CD99L2: variants seen among roughly 807,000 people sequenced by gnomAD.
CD99L2 encodes the protein CD99 molecule like 2, also known as CD99 antigen-like protein 2.
A neutral mutation model predicts 27.3 loss-of-function variants in CD99L2; 24 were observed. The observed-to-expected ratio is 0.88, with a 90% CI of 0.64 to 1.24. The LOEUF is 1.24. CD99L2 is among the 50% of genes most tolerant of loss of function. The pLI is 0.00. For missense variants in CD99L2, 255 were observed against 221.6 expected (o/e 1.15, Z -0.96); for synonymous variants, 97 against 87.9 (o/e 1.10, Z -0.58).
chrX:150,799,147 T>G (rs2045862024), intron 4 of CD99L2, among the ~76,000 whole-genome samples: 1 of 111,520 alleles, frequency 9.0e-6, no homozygotes, highest in African/African-American at 3.3e-5. Context: ...TTACATCCAA[T>G]AAGGGATTAA....
rs551423748 is a variant in CD99L2 at position 150,824,025 on chromosome X, AGAG to A, written c.130+7203_130+7205del. ...AAGAAGAGGAGGAGGAGGAAGAGGAAGAGGAGGAGGAGGAGGAGGAAGAAGAAG... is the reference window on the plus strand; with the variant it reads ...AAGAAGAGGAGGAGGAGGAAGAGGAAGAGGAGGAGGAGGAGGAAGAAGAAG... On this transcript the variant is annotated intron_variant, in intron 2 of 10. Transcript: ENST00000370377. Among the ~76,000 whole-genome samples the A allele has an allele frequency of 5.9e-3, 571 of 96,555 alleles. 6 individuals carry two copies. The highest frequency in any genetic ancestry group is 0.018 in the Middle Eastern group (3 of 168). The allele number at this position is 96,555 out of a possible 115,157, so 83.8% of individuals were successfully genotyped here.
intron 2 of CD99L2, among the ~76,000 whole-genome samples, chrX:150,827,487 T>C (rs971575511): frequency 9.0e-6 from 1 of 111,462 alleles, no homozygotes; most frequent in Admixed American, 9.5e-5. Flanking sequence ...TCCCTGTCGA[T>C]TGGAGGTATG....
chrX:150,846,864 G>T (rs1462201645), intron 1 of CD99L2, among the ~76,000 whole-genome samples: 1 of 112,307 alleles, frequency 8.9e-6, no homozygotes, highest in Non-Finnish European at 1.9e-5. Context: ...AATGCACATG[G>T]TATTTCCTTC....
intron 1 of CD99L2, among the ~76,000 whole-genome samples, chrX:150,848,767 C>G (rs1285389123): frequency 9.0e-6 from 1 of 111,088 alleles, no homozygotes; most frequent in East Asian, 2.9e-4. Flanking sequence ...CCTCCTCCCC[C>G]TCAGAATTCA....
At chrX:150,781,751 C>A (rs1211678147) in intron 7 of CD99L2, among the ~76,000 whole-genome samples, 14 of 111,916 alleles carry the variant, frequency 1.3e-4, no homozygotes, top group African/African-American at 4.5e-4. Context: ...CAATAGTGAC[C>A]ACTGCCATAG....
intron 1 of CD99L2, among the ~76,000 whole-genome samples, chrX:150,848,465 T>C (rs782389584): frequency 9.3e-6 from 1 of 107,554 alleles, no homozygotes; most frequent in South Asian, 4.1e-4. Flanking sequence ...AGATTGGTTG[T>C]ACAACAATGT....
intron 4 of CD99L2, 65 bp downstream of exon 4, chrX:150,814,797 T>C: frequency 9.9e-7 from 1 of 1,012,793 alleles, no homozygotes; most frequent in Non-Finnish European, 1.4e-6. Flanking sequence ...TCTGGCTCTG[T>C]GGGATGTTGA....
At chrX:150,866,182 G>C (rs973881981) in intron 1 of CD99L2, among the ~76,000 whole-genome samples, 1 of 111,258 alleles carries the variant, frequency 9.0e-6, no homozygotes, top group Non-Finnish European at 1.9e-5. Flanking sequence ...AGCCTGCAGA[G>C]AACCCAAAGA....
intron 7 of CD99L2, among the ~76,000 whole-genome samples, chrX:150,781,731 G>A (rs782448719): frequency 2.6e-4 from 29 of 111,785 alleles, no homozygotes; most frequent in Non-Finnish European, 4.0e-4. Context: ...AATAGGGACC[G>A]TCACTGTAGC....
At chrX:150,787,888 GTATATATATATATA>G (rs527795783) in intron 7 of CD99L2, among the ~76,000 whole-genome samples, 13 of 63,855 alleles carry the variant, frequency 2.0e-4, no homozygotes, top group African/African-American at 3.5e-4. Flanking sequence ...AGAACTTAAA[GTATATATATATATA>G]TATATATATA....
At chrX:150,806,242 G>T (rs1428511604) in intron 4 of CD99L2, among the ~76,000 whole-genome samples, 6 of 112,061 alleles carry the variant, frequency 5.4e-5, no homozygotes. Context: ...AAATTACCAC[G>T]ATTTGAGCAT....
chrX:150,772,820 C>G (rs1440188450), intron 9 of CD99L2, among the ~76,000 whole-genome samples: 2 of 110,428 alleles, frequency 1.8e-5, no homozygotes, highest in African/African-American at 6.6e-5. Flanking sequence ...GGTGGGGGGA[C>G]AGGAGGACTC....
intron 1 of CD99L2, among the ~76,000 whole-genome samples, chrX:150,891,936 G>A (rs782448896): frequency 1.1e-4 from 12 of 111,845 alleles, no homozygotes; most frequent in Non-Finnish European, 2.3e-4. Flanking sequence ...AGTGAGCCAG[G>A]CGTGGTGGCT....
At chrX:150,862,659 T>C (rs1329288237) in intron 1 of CD99L2, among the ~76,000 whole-genome samples, 1 of 111,795 alleles carries the variant, frequency 8.9e-6, no homozygotes, top group Non-Finnish European at 1.9e-5. Flanking sequence ...CTTTCTTCTA[T>C]GTATGTGTTA....
chrX:150,769,169 C>G, intron 10 of CD99L2, 68 bp from the exon 11 acceptor site: 3 of 1,087,311 alleles, frequency 2.8e-6, no homozygotes, highest in Non-Finnish European at 1.2e-6. Context: ...AATACAGCAG[C>G]AAGCCCGTGC....
chrX:150,790,070 C>T (rs1314547655), intron 7 of CD99L2, among the ~76,000 whole-genome samples: 3 of 110,855 alleles, frequency 2.7e-5, no homozygotes, highest in South Asian at 3.9e-4. Context: ...ATGCATATTG[C>T]TAAGTGAAAG....
intron 9 of CD99L2, among the ~76,000 whole-genome samples, chrX:150,773,188 G>A (rs1025896364): frequency 3.6e-5 from 4 of 112,233 alleles, no homozygotes; most frequent in Non-Finnish European, 7.5e-5. Flanking sequence ...GAAGGAAGTC[G>A]AGATACCCTT....
chrX:150,793,852 C>G (rs1209223676), intron 6 of CD99L2, 96 bp from the exon 7 acceptor site: 7 of 687,321 alleles, frequency 1.0e-5, no homozygotes, highest in Non-Finnish European at 1.5e-5. Context: ...AAATGATTCC[C>G]AGTTCCACTT....
intron 1 of CD99L2, among the ~76,000 whole-genome samples, chrX:150,888,973 C>T (rs1234150334): frequency 1.8e-5 from 2 of 112,620 alleles, no homozygotes; most frequent in African/African-American, 6.5e-5. Flanking sequence ...TTTCAAGCCA[C>T]TAATGTGTGG....
Sources: allele counts gnomAD v4.1 joint callset (sites outside exome capture counted in the v4.1 genomes callset), GRCh38; gene constraint gnomAD v4.1.1; transcripts MANE v1.5; gene names NCBI Gene and HGNC (gene_info 2026-07-23, HGNC 2026-07-21).